Variants in NDFIP1 observed in about 807,000 individuals in gnomAD.
The protein encoded by NDFIP1 is Nedd4 family interacting protein 1.
A neutral mutation model predicts 28.8 loss-of-function variants in NDFIP1; 7 were observed. The ratio of observed to expected loss-of-function variants is 0.24; its 90% CI spans 0.14 to 0.46. The LOEUF (loss-of-function observed/expected upper bound fraction) is 0.46, where lower values mean the gene tolerates loss of function less well. Among genes scored for constraint, NDFIP1 ranks in the 20% least tolerant of loss-of-function variants. The pLI is 0.99. For synonymous variants in NDFIP1, 92 were observed against 101.0 expected (o/e 0.91, Z 0.53); for missense variants, 194 against 269.1 (o/e 0.72, Z 1.95).
At chr5:142,126,720 C>T (rs1024434232) in intron 1 of NDFIP1, among the ~76,000 whole-genome samples, 1 of 152,140 alleles carries the variant, frequency 6.6e-6, no homozygotes, top group African/African-American at 2.4e-5. Flanking sequence ...CCTTGCTTAG[C>T]CCTAATCCTA....
Position 142,118,130 on chromosome 5 carries a change from T to C in NDFIP1, c.63+9093T>C, listed in dbSNP as rs141038679. ...TCCCTATTAGCATCTTATATCAGTATGGTACGGTTTTCACAATTATTGAAC... is the reference window on the plus strand; with the variant it reads ...TCCCTATTAGCATCTTATATCAGTACGGTACGGTTTTCACAATTATTGAAC... On this transcript the variant is annotated intron_variant, in intron 1 of 7. Transcript: ENST00000253814. Among the ~76,000 whole-genome samples the C allele has an allele frequency of 2.0e-4, 31 of 152,340 alleles. No homozygotes were observed. The East Asian group carries it at 3.7e-3, about 18-fold the overall frequency.
chr5:142,142,968 T>TATATATATA (rs1757352438), intron 6 of NDFIP1: 8 of 127,940 alleles, frequency 6.3e-5, no homozygotes, highest in African/African-American at 1.4e-4. Context: ...TATATATATA[T>TATATATATA]TAATAAGAGT....
chr5:142,127,578 A>G (rs1757183395), intron 1 of NDFIP1, among the ~76,000 whole-genome samples: 1 of 152,196 alleles, frequency 6.6e-6, no homozygotes, highest in South Asian at 2.1e-4. Flanking sequence ...AGGCATAGGT[A>G]GTTATAGGTA....
Position 142,112,655 on chromosome 5 carries a change from G to A in NDFIP1, c.63+3618G>A, listed in dbSNP as rs144802776. Among the ~76,000 whole-genome samples, 404 of 151,544 alleles carry A rather than the reference G, an allele frequency of 2.7e-3. 2 individuals carry two copies. The highest frequency in any genetic ancestry group is 9.4e-3 in the African/African-American group (387 of 41,278). On this transcript the variant is annotated intron_variant, in intron 1 of 7. Coordinates refer to ENST00000253814, the MANE Select transcript of NDFIP1 (RefSeq NM_030571.4). ...AAATACAAAAAATTAGTTGGGCGTG[G>A]TGGCACGTGCCTGTAGTAGTCCCAG... is the stretch of plus-strand genomic sequence containing the variant.
intron 1 of NDFIP1, among the ~76,000 whole-genome samples, chr5:142,119,070 G>T (rs547111611): frequency 6.6e-6 from 1 of 152,262 alleles, no homozygotes; most frequent in Admixed American, 6.5e-5. Flanking sequence ...ATATATGTCT[G>T]TATATTAACC....
At chr5:142,149,546 A>G (rs1757424789) in intron 7 of NDFIP1, among the ~76,000 whole-genome samples, 1 of 149,450 alleles carries the variant, frequency 6.7e-6, no homozygotes, top group African/African-American at 2.5e-5. Flanking sequence ...GCATTTCTGT[A>G]ACACTGCCAC....
intron 1 of NDFIP1, among the ~76,000 whole-genome samples, chr5:142,125,503 AG>A (rs1180208695): frequency 6.6e-6 from 1 of 152,024 alleles, no homozygotes; most frequent in African/African-American, 2.4e-5. Flanking sequence ...GCTGGATCAC[AG>A]GTGTGCCGCC....
chr5:142,109,060 C>G (rs1048313961), intron 1 of NDFIP1, 23 bp downstream of exon 1: 3 of 1,379,388 alleles, frequency 2.2e-6, no homozygotes, highest in African/African-American at 3.0e-5. Flanking sequence ...CGACTCCAGC[C>G]CCGAACTCCG....
chr5:142,132,484 G>A, intron 3 of NDFIP1, 142 bp downstream of exon 3: 1 of 1,086,964 alleles, frequency 9.2e-7, no homozygotes, highest in South Asian at 1.7e-5. Context: ...ATTTGCTTTT[G>A]GGATAATAAA....
At chr5:142,116,385 T>TTTCA (rs1757068895) in intron 1 of NDFIP1, among the ~76,000 whole-genome samples, 1 of 151,482 alleles carries the variant, frequency 6.6e-6, no homozygotes, top group Admixed American at 6.6e-5. Context: ...TCTTTCTTTC[T>TTTCA]TTCAACAGAG....
intron 1 of NDFIP1, 81 bp downstream of exon 1, chr5:142,109,118 G>C (rs1756984308): frequency 8.4e-7 from 1 of 1,189,414 alleles, no homozygotes; most frequent in African/African-American, 1.6e-5. Flanking sequence ...CTCTCTGGCC[G>C]GCCCGCGGCC....
At chr5:142,144,769 G>T (rs1376658859) in intron 7 of NDFIP1, 93 bp downstream of exon 7, 1 of 727,016 alleles carries the variant, frequency 1.4e-6, no homozygotes, top group African/African-American at 1.8e-5. Flanking sequence ...TGTGATAGGG[G>T]CATATAGAGA....
intron 1 of NDFIP1, among the ~76,000 whole-genome samples, chr5:142,122,048 A>G (rs910257683): frequency 6.6e-6 from 1 of 152,238 alleles, no homozygotes; most frequent in African/African-American, 2.4e-5. Context: ...TTGTTAGTGA[A>G]GTATGATTTA....
chr5:142,144,680 T>G lies in NDFIP1; in HGVS notation c.*2+4T>G. On this transcript the variant is annotated splice_donor_region_variant and intron_variant, in intron 7 of 7. Coordinates refer to ENST00000253814, the MANE Select transcript of NDFIP1 (RefSeq NM_030571.4). ...GAGTTCTCTTTATTTATTAAAGGTA[T>G]TAAAGAAAAAATTTATTCTAGTCCC... 1.3e-6 allele frequency: 2 copies of G among 1,568,070 alleles called. No individual in the cohort carries two copies. The highest frequency in any genetic ancestry group is 1.7e-4 in the Middle Eastern group (1 of 5,862).
chr5:142,128,791 A>G (rs1328098591), intron 1 of NDFIP1, among the ~76,000 whole-genome samples: 1 of 152,194 alleles, frequency 6.6e-6, no homozygotes, highest in Non-Finnish European at 1.5e-5. Context: ...ATTTTAGTGG[A>G]GCAAACTCTT....
At chr5:142,130,159 G>T (rs571112910) in intron 1 of NDFIP1, among the ~76,000 whole-genome samples, 1 of 152,124 alleles carries the variant, frequency 6.6e-6, no homozygotes, top group African/African-American at 2.4e-5. Context: ...TTAATTTTCA[G>T]ATTGGCTCCT....
At chr5:142,133,831 G>A (rs4385236) in intron 3 of NDFIP1, among the ~76,000 whole-genome samples, 102,250 of 152,086 alleles carry the variant, frequency 0.67, 34,687 homozygotes, top group African/African-American at 0.77. Flanking sequence ...AATCCAACTA[G>A]GGTAAAGGGC....
chr5:142,144,790 G>T (rs1757371578), intron 7 of NDFIP1, 114 bp downstream of exon 7: 1 of 605,276 alleles, frequency 1.7e-6, no homozygotes, highest in Non-Finnish European at 2.9e-6. Context: ...AAGTAAAGAA[G>T]GCACAGTCCC....
rs1256293962 is a variant in NDFIP1, at chr5:142,153,375, T to C, written c.*1647T>C. 2 of 456,902 alleles carry C rather than the reference T, an allele frequency of 4.4e-6. No homozygotes were observed. The highest frequency in any genetic ancestry group is 3.1e-5 in the South Asian group (2 of 64,568). 28.3% of individuals were successfully genotyped at this position (456,902 alleles called of 1,614,324 possible). A position where few individuals can be genotyped will look rare whatever the true frequency, so the allele number is the denominator to read the frequency against. The stretch of plus-strand genomic sequence containing the variant: ...TAGCTGCAAATGTCCATTCATCTGC[T>C]GTGTATGTATATCCAGAATCAGCAT... On this transcript the variant is annotated 3_prime_UTR_variant, in exon 8 of 8. Transcript: ENST00000253814.
Sources: gnomAD v4.1 joint callset for allele counts (sites outside exome capture counted in the v4.1 genomes callset) on GRCh38, gnomAD v4.1.1 for gene constraint, MANE v1.5 for transcripts, NCBI Gene and HGNC (gene_info 2026-07-23, HGNC 2026-07-21) for gene names.